SEMA5A: variants seen among roughly 807,000 people sequenced by gnomAD.
The protein encoded by SEMA5A is semaphorin 5A, also known as semaphorin-5A.
A neutral mutation model predicts 135.5 loss-of-function variants in SEMA5A; 55 were observed. That is an observed-to-expected ratio of 0.41 (90% CI 0.33 to 0.51). The LOEUF is 0.51. SEMA5A is among the 20% of genes least tolerant of loss of function. The pLI is 0.37. For missense variants in SEMA5A, 1,290 were observed against 1,419.9 expected (o/e 0.91, Z 1.47); for synonymous variants, 580 against 546.5 (o/e 1.06, Z -0.85).
chr5:9,235,471 C>A (rs1192330374), intron 6 of SEMA5A, among the ~76,000 whole-genome samples: 22 of 152,108 alleles, frequency 1.4e-4, no homozygotes, highest in Admixed American at 1.4e-3. Flanking sequence ...ATGAGAAACC[C>A]TAAATTAAAG....
chr5:9,337,314 G>A (rs1343768584), intron 4 of SEMA5A, among the ~76,000 whole-genome samples: 1 of 152,182 alleles, frequency 6.6e-6, no homozygotes, highest in African/African-American at 2.4e-5. Flanking sequence ...ATGTTTTCAG[G>A]AGTCAAACTG....
At chr5:9,299,042 G>A (rs1751476093) in intron 5 of SEMA5A, among the ~76,000 whole-genome samples, 3 of 152,118 alleles carry the variant, frequency 2.0e-5, no homozygotes, top group Non-Finnish European at 2.9e-5. Flanking sequence ...CAGTCAACCT[G>A]CCATTAAAAG....
At chr5:9,506,651 A>C (rs1241494441) in intron 1 of SEMA5A, among the ~76,000 whole-genome samples, 1 of 152,186 alleles carries the variant, frequency 6.6e-6, no homozygotes, top group Non-Finnish European at 1.5e-5. Flanking sequence ...TCCCTTACAA[A>C]TTGTGGGCAA....
At chr5:9,316,025 A>G (rs767937890) in intron 5 of SEMA5A, among the ~76,000 whole-genome samples, 5 of 152,136 alleles carry the variant, frequency 3.3e-5, no homozygotes, top group Non-Finnish European at 7.4e-5. Flanking sequence ...TAATCAAATT[A>G]TTCCTTCAAT....
In SEMA5A at chr5:9,332,081, ACT is replaced by A. The variant is rs1357232744; in HGVS notation, c.224+5630_224+5631del. Among the ~76,000 whole-genome samples the A allele has an allele frequency of 6.6e-5, 10 of 152,088 alleles. 1 individual carries two copies. The East Asian group carries it at 7.8e-4, about 12-fold the overall frequency. ...GCAAGGCGTGCAGTTATGGGCTGGT[ACT>A]CACATCGGGTCAGAAGTACAAGGTG... On this transcript the variant is annotated intron_variant, in intron 4 of 22. Coordinates refer to ENST00000382496, the MANE Select transcript of SEMA5A (RefSeq NM_003966.3).
At chr5:9,302,461 A>G (rs1192713821) in intron 5 of SEMA5A, among the ~76,000 whole-genome samples, 1 of 152,234 alleles carries the variant, frequency 6.6e-6, no homozygotes, top group Non-Finnish European at 1.5e-5. Flanking sequence ...GCCAAACTCA[A>G]TCTCATACTT....
At chr5:9,295,784 AAAT>A (rs1337754842) in intron 5 of SEMA5A, among the ~76,000 whole-genome samples, 5 of 152,202 alleles carry the variant, frequency 3.3e-5, no homozygotes, top group Admixed American at 6.5e-5. Context: ...GCTGGATATA[AAAT>A]AATAACTCAA....
At chr5:9,047,803 G>C (rs975964937) in intron 21 of SEMA5A, among the ~76,000 whole-genome samples, 2 of 152,146 alleles carry the variant, frequency 1.3e-5, no homozygotes, top group Non-Finnish European at 2.9e-5. Flanking sequence ...ATTCCATTCT[G>C]AATATCTCAG....
At chr5:9,221,358 A>T (rs187090033) in intron 8 of SEMA5A, among the ~76,000 whole-genome samples, 23 of 133,992 alleles carry the variant, frequency 1.7e-4, no homozygotes, top group African/African-American at 3.7e-4. Context: ...GCTGGAGTGC[A>T]GTGGCGCGAT....
At chr5:9,272,878 A>G (rs1278625146) in intron 5 of SEMA5A, among the ~76,000 whole-genome samples, 1 of 152,206 alleles carries the variant, frequency 6.6e-6, no homozygotes, top group Non-Finnish European at 1.5e-5. Context: ...CAAAGACCAA[A>G]GGTAGATAAA....
intron 1 of SEMA5A, among the ~76,000 whole-genome samples, chr5:9,506,475 G>A (rs956184004): frequency 3.3e-5 from 5 of 152,186 alleles, no homozygotes; most frequent in Admixed American, 6.5e-5. Flanking sequence ...TGCTTAGAGA[G>A]ACTGCCGACA....
chr5:9,318,254 G>A (rs1190598510), intron 5 of SEMA5A, 118 bp downstream of exon 5: 2 of 928,332 alleles, frequency 2.2e-6, no homozygotes, highest in East Asian at 2.6e-5. Context: ...ACCTGCTGAG[G>A]AAACGAGCCC....
chr5:9,429,847 C>T (rs73034796), intron 2 of SEMA5A, among the ~76,000 whole-genome samples: 5,106 of 152,268 alleles, frequency 0.034, 101 homozygotes, highest in African/African-American at 0.037. Context: ...AGAAGGGACA[C>T]GTGGTGCCTG....
At chr5:9,405,064 T>C (rs1293800030) in intron 2 of SEMA5A, among the ~76,000 whole-genome samples, 1 of 152,190 alleles carries the variant, frequency 6.6e-6, no homozygotes, top group African/African-American at 2.4e-5. Flanking sequence ...ATATTCATTA[T>C]TTTACCCCAT....
intron 2 of SEMA5A, among the ~76,000 whole-genome samples, chr5:9,384,675 TATAGATAGATAGATAG>T (rs1358325341): frequency 3.1e-5 from 2 of 64,174 alleles, no homozygotes; most frequent in African/African-American, 5.9e-5. Context: ...GATAGATAGA[TATAGATAGATAGATAG>T]ATAGATAGAT....
At chr5:9,483,740 G>A (rs968029105) in intron 1 of SEMA5A, among the ~76,000 whole-genome samples, 5 of 152,160 alleles carry the variant, frequency 3.3e-5, no homozygotes, top group South Asian at 2.1e-4. Context: ...AAAAGATACA[G>A]AAGAAAAAAG....
At chr5:9,530,929 G>T (rs775423408) in intron 1 of SEMA5A, among the ~76,000 whole-genome samples, 17 of 152,190 alleles carry the variant, frequency 1.1e-4, no homozygotes, top group Non-Finnish European at 2.5e-4. Flanking sequence ...GTTATAAGCA[G>T]CTTCATTACC....
chr5:9,337,006 T>C (rs1753421005), intron 4 of SEMA5A, among the ~76,000 whole-genome samples: 1 of 152,198 alleles, frequency 6.6e-6, no homozygotes, highest in South Asian at 2.1e-4. Flanking sequence ...GTAATTTAAA[T>C]GCAAGGATTA....
intron 21 of SEMA5A, among the ~76,000 whole-genome samples, chr5:9,046,457 C>A (rs116785525): frequency 0.012 from 1,784 of 152,310 alleles, 19 homozygotes; most frequent in Non-Finnish European, 0.019. Context: ...AGGGATTCCA[C>A]CCTGCCAATG....
Sources: allele counts gnomAD v4.1 joint callset (sites outside exome capture counted in the v4.1 genomes callset), GRCh38; gene constraint gnomAD v4.1.1; transcripts MANE v1.5; gene names NCBI Gene and HGNC (gene_info 2026-07-23, HGNC 2026-07-21).